Variants in SLC41A2 observed in about 807,000 individuals in gnomAD.
The protein encoded by SLC41A2 is SLC41A1-like 1.
SLC41A2 carries 32 observed loss-of-function variants against 58.3 expected under a neutral mutation model. The observed-to-expected ratio is 0.55, with a 90% CI of 0.41 to 0.74. The LOEUF is 0.74. Among genes scored for constraint, SLC41A2 ranks in the 30% least tolerant of loss-of-function variants. The probability of loss-of-function intolerance (pLI) is 0.00; values close to 1 mark genes in which losing one functional copy is unlikely to be tolerated. For synonymous variants in SLC41A2, 190 were observed against 235.0 expected (o/e 0.81, Z 1.75); for missense variants, 514 against 680.6 (o/e 0.76, Z 2.72).
At chr12:104,861,065 T>C (rs759719535) in intron 8 of SLC41A2, among the ~76,000 whole-genome samples, 1 of 152,172 alleles carries the variant, frequency 6.6e-6, no homozygotes, top group Non-Finnish European at 1.5e-5. Flanking sequence ...CTCAAACTAG[T>C]AGTTCATGAT....
rs985213998 is a variant in SLC41A2 at position 104,937,606 on chromosome 12, T to C, written c.-167-8912A>G. On this transcript the variant is annotated intron_variant, in intron 1 of 10. Transcript: ENST00000258538. The stretch of plus-strand genomic sequence containing the variant: ...TGATGAAATGCATCTAACAACACAT[T>C]TCTCAGAATTTATCCCCATCATTAA... Among the ~76,000 whole-genome samples the C allele has an allele frequency of 1.4e-3, 215 of 152,326 alleles. 4 individuals are homozygous for C. Among genetic ancestry groups the C allele is most frequent in the Admixed American group, 0.014 (214 of 15,296 alleles).
intron 8 of SLC41A2, among the ~76,000 whole-genome samples, chr12:104,855,165 T>C (rs2042974927): frequency 6.6e-6 from 1 of 152,216 alleles, no homozygotes; most frequent in Admixed American, 6.5e-5. Flanking sequence ...TTAATTAATA[T>C]GAAGTCTAAA....
At chr12:104,848,914 AC>A (rs1565838326) in intron 8 of SLC41A2, among the ~76,000 whole-genome samples, 1 of 152,052 alleles carries the variant, frequency 6.6e-6, no homozygotes, top group Non-Finnish European at 1.5e-5. Context: ...ACACACACAC[AC>A]ACACACACCA....
At chr12:104,927,502 T>C (rs1426081467) in intron 2 of SLC41A2, among the ~76,000 whole-genome samples, 1 of 152,154 alleles carries the variant, frequency 6.6e-6, no homozygotes, top group Non-Finnish European at 1.5e-5. Context: ...TATGTAAGCA[T>C]AGAAAAGAGG....
At chr12:104,858,438 T>TA (rs925668399) in intron 8 of SLC41A2, among the ~76,000 whole-genome samples, 14 of 152,052 alleles carry the variant, frequency 9.2e-5, no homozygotes, top group African/African-American at 3.1e-4. Context: ...ACAACATGTA[T>TA]AAAAAAAACC....
intron 10 of SLC41A2, among the ~76,000 whole-genome samples, chr12:104,822,241 A>G (rs1283629268): frequency 6.6e-6 from 1 of 152,196 alleles, no homozygotes; most frequent in Non-Finnish European, 1.5e-5. Flanking sequence ...CTTGATATCC[A>G]TAGAATATTA....
At chr12:104,923,462 A>T (rs1360152906) in intron 2 of SLC41A2, among the ~76,000 whole-genome samples, 1 of 151,876 alleles carries the variant, frequency 6.6e-6, no homozygotes, top group Non-Finnish European at 1.5e-5. Context: ...AATTAGTAGA[A>T]GAAAAGAAAT....
At chr12:104,878,299 T>TTTTATATATATATATATATATATA (rs1555206630) in intron 6 of SLC41A2, among the ~76,000 whole-genome samples, 2 of 139,930 alleles carry the variant, frequency 1.4e-5, no homozygotes, top group African/African-American at 2.6e-5. Flanking sequence ...TACCTGTATT[T>TTTTATATATATATATATATATATA]TATATATATA....
chr12:104,915,408 T>C (rs2046269353), intron 2 of SLC41A2, among the ~76,000 whole-genome samples: 2 of 152,228 alleles, frequency 1.3e-5, no homozygotes, highest in Admixed American at 6.5e-5. Context: ...GAGCATGGAA[T>C]GTTCTTCCAT....
intron 4 of SLC41A2, among the ~76,000 whole-genome samples, chr12:104,893,173 C>G (rs1436253968): frequency 6.6e-6 from 1 of 152,058 alleles, no homozygotes; most frequent in Admixed American, 6.6e-5. Flanking sequence ...ATCCAATAAT[C>G]TGATTTTAAA....
At chr12:104,843,247 GCA>G (rs1398961769) in intron 10 of SLC41A2, among the ~76,000 whole-genome samples, 1 of 151,444 alleles carries the variant, frequency 6.6e-6, no homozygotes, top group Non-Finnish European at 1.5e-5. Context: ...GAGACCTTGA[GCA>G]CAGAGTCTGA....
chr12:104,847,475 C>T (rs1208363001), intron 8 of SLC41A2, among the ~76,000 whole-genome samples: 1 of 151,592 alleles, frequency 6.6e-6, no homozygotes, highest in Non-Finnish European at 1.5e-5. Context: ...TGTGGTGGCG[C>T]GTGCCTGTAA....
At chr12:104,946,549 C>T (rs1251216617) in intron 1 of SLC41A2, among the ~76,000 whole-genome samples, 2 of 152,172 alleles carry the variant, frequency 1.3e-5, no homozygotes, top group Non-Finnish European at 2.9e-5. Flanking sequence ...GTTGAGTTTA[C>T]AGGTATGGGC....
At chr12:104,877,399 A>G (rs899337761) in intron 6 of SLC41A2, among the ~76,000 whole-genome samples, 3 of 152,244 alleles carry the variant, frequency 2.0e-5, no homozygotes, top group African/African-American at 4.8e-5. Context: ...CACAAAAAAT[A>G]TATTTTTAGG....
At chr12:104,904,368 T>G in intron 3 of SLC41A2, among the ~76,000 whole-genome samples, 1 of 152,234 alleles carries the variant, frequency 6.6e-6, no homozygotes, top group East Asian at 1.9e-4. Context: ...GTTGCCACTT[T>G]TGTTTCTCAA....
chr12:104,875,251 T>C (rs2043989882), intron 6 of SLC41A2, among the ~76,000 whole-genome samples: 1 of 152,232 alleles, frequency 6.6e-6, no homozygotes, highest in Non-Finnish European at 1.5e-5. Flanking sequence ...ATCAGAAATA[T>C]TAGCCTATAG....
Position 104,851,554 on chromosome 12 carries a change from T to A in SLC41A2, c.1256-5580A>T, listed in dbSNP as rs192991897. On this transcript the variant is annotated intron_variant, in intron 8 of 10. Coordinates refer to ENST00000258538, the MANE Select transcript of SLC41A2 (RefSeq NM_001352171.3). ...ATGCATCACAATGCCTAGCTAATTT[T>A]AAAAAAAATTTTTTTTAGAGATGGG... is the stretch of plus-strand genomic sequence containing the variant. 1.1e-3 allele frequency among the ~76,000 whole-genome samples: 166 copies of A among 151,964 alleles called. 1 individual carries two copies. The highest frequency in any genetic ancestry group is 2.7e-3 in the South Asian group (13 of 4,816).
intron 2 of SLC41A2, among the ~76,000 whole-genome samples, chr12:104,927,226 A>G (rs1427232789): frequency 6.6e-6 from 1 of 152,188 alleles, no homozygotes; most frequent in Non-Finnish European, 1.5e-5. Context: ...CTAATATCCA[A>G]CAATGCTGTT....
At chr12:104,918,694 C>T (rs2046448757) in intron 2 of SLC41A2, among the ~76,000 whole-genome samples, 1 of 148,894 alleles carries the variant, frequency 6.7e-6, no homozygotes, top group Non-Finnish European at 1.5e-5. Flanking sequence ...AGGGTGCATA[C>T]AGCAGAGGAC....
Sources: allele counts gnomAD v4.1 joint callset (sites outside exome capture counted in the v4.1 genomes callset), GRCh38; gene constraint gnomAD v4.1.1; transcripts MANE v1.5; gene names NCBI Gene and HGNC (gene_info 2026-07-23, HGNC 2026-07-21).